The following SYN3 variants were observed in gnomAD, a reference collection of about 807,000 sequenced individuals.
SYN3 encodes the protein synapsin-3.
A neutral mutation model predicts 65.8 loss-of-function variants in SYN3; 35 were observed. The ratio of observed to expected loss-of-function variants is 0.53; its 90% CI spans 0.41 to 0.70. SYN3 has a LOEUF of 0.70. Ranked by LOEUF, SYN3 falls within the 30% of genes least tolerant of loss-of-function variation. The pLI, the probability that SYN3 is intolerant of heterozygous loss-of-function variation, is 0.00. For synonymous variants in SYN3, 270 were observed against 292.9 expected (o/e 0.92, Z 0.80); for missense variants, 680 against 749.0 (o/e 0.91, Z 1.08).
intron 6 of SYN3, among the ~76,000 whole-genome samples, chr22:32,734,157 G>C (rs2061306546): frequency 6.6e-6 from 1 of 152,196 alleles, no homozygotes; most frequent in African/African-American, 2.4e-5. Context: ...TGGTGTCTGA[G>C]TGTCAGCAGC....
At chr22:33,024,194 C>T (rs576491451) in intron 1 of SYN3, among the ~76,000 whole-genome samples, 91 of 152,340 alleles carry the variant, frequency 6.0e-4, no homozygotes, top group African/African-American at 2.0e-3. Flanking sequence ...GACCACCCAC[C>T]AGCACCCTCC....
intron 6 of SYN3, among the ~76,000 whole-genome samples, chr22:32,748,107 T>C (rs1478033114): frequency 6.6e-6 from 1 of 152,218 alleles, no homozygotes; most frequent in Non-Finnish European, 1.5e-5. Flanking sequence ...AGACGCTGGA[T>C]GACCTTGGGA....
intron 6 of SYN3, among the ~76,000 whole-genome samples, chr22:32,627,747 T>C (rs1190372426): frequency 1.3e-5 from 2 of 152,028 alleles, no homozygotes; most frequent in Admixed American, 6.5e-5. Context: ...CACACACATA[T>C]GCAGGCTTGT....
chr22:32,782,515 CT>C (rs1265679936), intron 6 of SYN3, among the ~76,000 whole-genome samples: 1,521 of 124,148 alleles, frequency 0.012, 4 homozygotes, highest in Non-Finnish European at 0.017. Flanking sequence ...CCTTGTAATT[CT>C]TTTTTTTTTT....
intron 12 of SYN3, among the ~76,000 whole-genome samples, chr22:32,523,086 C>T (rs1332799455): frequency 6.6e-6 from 1 of 152,238 alleles, no homozygotes; most frequent in Non-Finnish European, 1.5e-5. Flanking sequence ...CTGTGCCTCA[C>T]ATTTGACAAT....
intron 6 of SYN3, among the ~76,000 whole-genome samples, chr22:32,736,569 A>G (rs1311015576): frequency 6.6e-6 from 1 of 152,198 alleles, no homozygotes; most frequent in Non-Finnish European, 1.5e-5. Context: ...TTATGAGACC[A>G]TAAATGGAAA....
At chr22:32,838,037 G>A (rs1325941802) in intron 6 of SYN3, among the ~76,000 whole-genome samples, 1 of 152,188 alleles carries the variant, frequency 6.6e-6, no homozygotes, top group Non-Finnish European at 1.5e-5. Flanking sequence ...CTGGCTGGGT[G>A]TGTCTGCTGC....
chr22:32,526,958 C>T (rs578008746), intron 12 of SYN3, among the ~76,000 whole-genome samples: 1 of 152,196 alleles, frequency 6.6e-6, no homozygotes, highest in South Asian at 2.1e-4. Flanking sequence ...AGAGAGGATA[C>T]GGGGCGGATT....
intron 6 of SYN3, among the ~76,000 whole-genome samples, chr22:32,667,586 A>G (rs2147045353): frequency 6.6e-6 from 1 of 152,240 alleles, no homozygotes; most frequent in East Asian, 1.9e-4. Flanking sequence ...AAGGGGATGC[A>G]CATTTTTATT....
rs544318358 is a variant in SYN3, at chr22:32,508,949, A to G, written c.*4743T>C. ...TTTGTTACCATGTGAGTGAAGACCT[A>G]TCATCCCCTTAAATTTTGGAAAGAT... On this transcript the variant is annotated 3_prime_UTR_variant, in exon 14 of 14. Transcript: ENST00000358763. 1.3e-5 allele frequency among the ~76,000 whole-genome samples: 2 copies of G among 152,334 alleles called. No homozygotes were observed. Among genetic ancestry groups the G allele is most frequent in the South Asian group, 4.1e-4 (2 of 4,832 alleles).
At chr22:32,679,048 C>CTTTTTTTTTTTT in intron 6 of SYN3, among the ~76,000 whole-genome samples, 277 of 85,608 alleles carry the variant, frequency 3.2e-3, no homozygotes, top group Non-Finnish European at 4.3e-3. Context: ...TTGTTTCTTT[C>CTTTTTTTTTTTT]TTTTTTTTTT....
chr22:32,585,091 T>C (rs1353011315), intron 7 of SYN3, among the ~76,000 whole-genome samples: 9 of 152,182 alleles, frequency 5.9e-5, no homozygotes, highest in South Asian at 2.1e-4. Context: ...GGCACCTCTA[T>C]AAAACAGGGA....
chr22:32,911,174 C>T (rs754538092), intron 4 of SYN3, among the ~76,000 whole-genome samples: 2 of 152,192 alleles, frequency 1.3e-5, no homozygotes, highest in African/African-American at 4.8e-5. Flanking sequence ...GGGGTCTGGG[C>T]ATCTTTGCAA....
intron 7 of SYN3, among the ~76,000 whole-genome samples, chr22:32,557,037 C>T (rs1214506655): frequency 6.6e-6 from 1 of 152,096 alleles, no homozygotes; most frequent in Admixed American, 6.5e-5. Context: ...GGTATAAACT[C>T]TGTTCAAGAT....
intron 6 of SYN3, among the ~76,000 whole-genome samples, chr22:32,659,192 G>T (rs946791553): frequency 4.6e-5 from 7 of 152,302 alleles, no homozygotes; most frequent in Non-Finnish European, 8.8e-5. Flanking sequence ...TTGGAGTGGG[G>T]TGATGATAAG....
chr22:32,990,348 C>G (rs897814884), intron 2 of SYN3, among the ~76,000 whole-genome samples: 5 of 151,276 alleles, frequency 3.3e-5, no homozygotes, highest in African/African-American at 1.2e-4. Flanking sequence ...ATCCATCCAC[C>G]CATCCATCCA....
intron 13 of SYN3, 74 bp from the exon 14 acceptor site, chr22:32,513,898 C>T (rs771690630): frequency 4.4e-6 from 7 of 1,582,018 alleles, no homozygotes; most frequent in Non-Finnish European, 5.2e-6. Context: ...GGGGGCTTGC[C>T]TGTAAGCCAG....
At chr22:32,887,910 T>C (rs112953743) in intron 4 of SYN3, among the ~76,000 whole-genome samples, 3 of 152,202 alleles carry the variant, frequency 2.0e-5, no homozygotes, top group African/African-American at 7.2e-5. Context: ...TATTTAACTT[T>C]ATAAGGAACT....
intron 2 of SYN3, among the ~76,000 whole-genome samples, chr22:32,992,052 A>G (rs1441708703): frequency 6.6e-6 from 1 of 152,040 alleles, no homozygotes; most frequent in African/African-American, 2.4e-5. Flanking sequence ...CATCCGAGGG[A>G]CTCTTTGGAA....
Sources: gnomAD v4.1 joint callset for allele counts (sites outside exome capture counted in the v4.1 genomes callset) on GRCh38, gnomAD v4.1.1 for gene constraint, MANE v1.5 for transcripts, NCBI Gene and HGNC (gene_info 2026-07-23, HGNC 2026-07-21) for gene names.